Variants in PHF2 observed in about 807,000 individuals in gnomAD.
PHF2 encodes the protein lysine-specific demethylase PHF2.
PHF2 carries 27 observed loss-of-function variants against 120.5 expected under a neutral mutation model. That is an observed-to-expected ratio of 0.22 (90% CI 0.17 to 0.31). The LOEUF (loss-of-function observed/expected upper bound fraction) is 0.31. Among genes scored for constraint, PHF2 ranks in the 10% least tolerant of loss-of-function variants. The pLI is 1.00. For synonymous variants in PHF2, 568 were observed against 592.5 expected, an observed-to-expected ratio of 0.96 and a Z score of 0.60; for missense variants, 1,024 against 1,434.8, an observed-to-expected ratio of 0.71 and a Z score of 4.63.
intron 12 of PHF2, among the ~76,000 whole-genome samples, chr9:93,661,251 G>T (rs1246244057): frequency 6.6e-6 from 1 of 152,154 alleles, no homozygotes; most frequent in African/African-American, 2.4e-5. Context: ...GTGAGTTTCT[G>T]CCAGGAGGAG....
chr9:93,670,846 G>A (rs59044538), intron 17 of PHF2, among the ~76,000 whole-genome samples: 3 of 152,152 alleles, frequency 2.0e-5, no homozygotes, highest in Admixed American at 1.3e-4. Context: ...ATGCGGATGC[G>A]AGACAGGCTG....
chr9:93,632,421 C>T (rs535063659), intron 2 of PHF2, among the ~76,000 whole-genome samples: 53 of 152,218 alleles, frequency 3.5e-4, no homozygotes, highest in African/African-American at 1.1e-3. Context: ...TTCAGGCTGC[C>T]GTAACAAAAT....
At chr9:93,633,140 C>T (rs554538520) in intron 2 of PHF2, among the ~76,000 whole-genome samples, 3 of 152,164 alleles carry the variant, frequency 2.0e-5, no homozygotes, top group Non-Finnish European at 4.4e-5. Flanking sequence ...GCTCAGGGTT[C>T]CCAGAGCGAG....
intron 17 of PHF2, among the ~76,000 whole-genome samples, chr9:93,668,582 G>A (rs1479769429): frequency 6.6e-6 from 1 of 152,142 alleles, no homozygotes; most frequent in Non-Finnish European, 1.5e-5. Flanking sequence ...GTGCTTTATT[G>A]TGGGCACCTG....
intron 1 of PHF2, among the ~76,000 whole-genome samples, chr9:93,609,149 A>G (rs1032284198): frequency 6.6e-6 from 1 of 150,690 alleles, no homozygotes; most frequent in African/African-American, 2.4e-5. Flanking sequence ...TCCTCTTTCA[A>G]ATACTTAGCA....
At chr9:93,658,284 C>A (rs754466376) in intron 10 of PHF2, 48 bp downstream of exon 10, 5 of 1,406,612 alleles carry the variant, frequency 3.6e-6, no homozygotes, top group Non-Finnish European at 5.0e-6. Flanking sequence ...CAGTGACAGG[C>A]GGGAGGACCT....
chr9:93,614,815 G>A (rs1825694625), intron 1 of PHF2, among the ~76,000 whole-genome samples: 1 of 151,970 alleles, frequency 6.6e-6, no homozygotes, highest in South Asian at 2.1e-4. Context: ...GATAGTGATG[G>A]TGGTGGTAAT....
chr9:93,625,653 T>G (rs1396138452), intron 1 of PHF2, among the ~76,000 whole-genome samples: 1 of 151,930 alleles, frequency 6.6e-6, no homozygotes, highest in East Asian at 1.9e-4. Context: ...AATTTTTGTA[T>G]TTTTGGTGGA....
chr9:93,664,333 G>T (rs1473839423), intron 14 of PHF2, among the ~76,000 whole-genome samples: 2 of 152,178 alleles, frequency 1.3e-5, no homozygotes, highest in African/African-American at 4.8e-5. Context: ...GAGGCAAGGG[G>T]TGCGGAGGGC....
intron 3 of PHF2, among the ~76,000 whole-genome samples, chr9:93,640,335 G>A (rs186208735): frequency 1.3e-5 from 2 of 152,010 alleles, no homozygotes; most frequent in East Asian, 3.9e-4. Context: ...GCTGTTTGTA[G>A]TTCTTCTTCT....
intron 1 of PHF2, among the ~76,000 whole-genome samples, chr9:93,609,711 A>AT (rs923263130): frequency 1.3e-5 from 2 of 150,606 alleles, no homozygotes; most frequent in African/African-American, 2.4e-5. Context: ...TTATTTTCTT[A>AT]TTTTTTTTCG....
intron 17 of PHF2, chr9:93,672,362 G>A (rs1459125942): frequency 1.0e-6 from 1 of 981,066 alleles, no homozygotes; most frequent in Non-Finnish European, 1.2e-6. Flanking sequence ...AGGGTCAGGT[G>A]TAGATGCAGG....
chr9:93,663,805 C>T (rs1374841213), intron 14 of PHF2, among the ~76,000 whole-genome samples, 170 bp downstream of exon 14: 1 of 152,156 alleles, frequency 6.6e-6, no homozygotes, highest in African/African-American at 2.4e-5. Context: ...CAACCATACA[C>T]ACTGCACATC....
intron 4 of PHF2, among the ~76,000 whole-genome samples, chr9:93,647,770 TC>T (rs1443198087): frequency 2.6e-5 from 4 of 152,028 alleles, no homozygotes; most frequent in Non-Finnish European, 5.9e-5. Flanking sequence ...GCACCTGTAG[TC>T]CCAGCTCCTC....
Position 93,665,717 on chromosome 9 carries a change from G to C in PHF2, c.1969G>C (p.Gly657Arg). 1.2e-6 allele frequency: 2 copies of C among 1,613,950 alleles called. No individual in the cohort carries two copies. The highest frequency in any genetic ancestry group is 1.7e-6 in the Non-Finnish European group (2 of 1,180,002). The change falls in exon 15 of 22, where the codon GGT becomes CGT. Residue 657 changes from glycine to arginine, a missense_variant. Physicochemically the swap from Gly to Arg is moderately radical, Grantham distance 125. Transcript: ENST00000359246. ...GGCTCTCAGGCCCCCGACGAGCCCT[G>C]GTGTGTTCGGGGCCTTGCAGAACTT... ...SKALRPPTSP[G>R]VFGALQNFKE...
At chr9:93,583,830 T>C (rs77393931) in intron 1 of PHF2, among the ~76,000 whole-genome samples, 160 of 51,446 alleles carry the variant, frequency 3.1e-3, no homozygotes, top group African/African-American at 7.5e-3. Flanking sequence ...TCTTTTCTTT[T>C]TTTTTTTTTT....
intron 1 of PHF2, among the ~76,000 whole-genome samples, chr9:93,596,566 C>T (rs137916479): frequency 9.2e-5 from 14 of 151,872 alleles, no homozygotes; most frequent in East Asian, 5.8e-4. Flanking sequence ...GGGCAGGGCT[C>T]GAGTGCTACT....
rs868542640 is a variant in PHF2, at chr9:93,594,190, C to A, written c.98+17319C>A. Among the ~76,000 whole-genome samples, 13 of 130,742 alleles carry A rather than the reference C, an allele frequency of 9.9e-5. No homozygotes were observed. The South Asian group carries it at 1.1e-3, about 11-fold the overall frequency. The allele number at this position is 130,742 out of a possible 152,430, so 85.8% of individuals were successfully genotyped here. A position where few individuals can be genotyped will look rare whatever the true frequency, so the allele number is the denominator to read the frequency against. On this transcript the variant is annotated intron_variant, in intron 1 of 21. Coordinates refer to ENST00000359246, the MANE Select transcript of PHF2 (RefSeq NM_005392.4). Reference sequence around the variant, plus strand: ...CACACCCCCTCTTCTCATGTGACCCCCCCCCCCTCCATTAATGCACAATGC... The same window carrying A: ...CACACCCCCTCTTCTCATGTGACCCACCCCCCCTCCATTAATGCACAATGC...
intron 14 of PHF2, 58 bp downstream of exon 14, chr9:93,663,693 C>T (rs934103687): frequency 1.1e-6 from 1 of 920,874 alleles, no homozygotes; most frequent in African/African-American, 1.6e-5. Flanking sequence ...TCACACACAC[C>T]ATACATACTG....
Sources: allele counts gnomAD v4.1 joint callset (sites outside exome capture counted in the v4.1 genomes callset), GRCh38; gene constraint gnomAD v4.1.1; transcripts MANE v1.5; gene names NCBI Gene and HGNC (gene_info 2026-07-23, HGNC 2026-07-21).